PDE4D: variants seen among roughly 807,000 people sequenced by gnomAD.
PDE4D encodes phosphodiesterase 4D.
PDE4D carries 24 observed loss-of-function variants against 87.4 expected under a neutral mutation model. The observed-to-expected ratio is 0.27, with a 90% confidence interval of 0.20 to 0.39. The LOEUF (loss-of-function observed/expected upper bound fraction) is 0.39, where lower values mean the gene tolerates loss of function less well. PDE4D is among the 10% of genes least tolerant of loss of function. The pLI is 1.00. For synonymous variants in PDE4D, 384 were observed against 383.2 expected, an observed-to-expected ratio of 1.00 and a Z score of -0.02; for missense variants, 714 against 1,041.0, an observed-to-expected ratio of 0.69 and a Z score of 4.32.
intron 1 of PDE4D, among the ~76,000 whole-genome samples, chr5:60,375,637 A>C (rs1311809152): frequency 6.6e-6 from 1 of 152,214 alleles, no homozygotes; most frequent in African/African-American, 2.4e-5. Flanking sequence ...CCCTAGGCAC[A>C]GGGCTTATCA....
chr5:59,837,242 A>T (rs1742260358), intron 1 of PDE4D, among the ~76,000 whole-genome samples: 1 of 152,054 alleles, frequency 6.6e-6, no homozygotes, highest in Admixed American at 6.6e-5. Flanking sequence ...ACTATGTACC[A>T]GGCACCAAGC....
At chr5:59,007,731 T>A (rs10065334) in intron 6 of PDE4D, among the ~76,000 whole-genome samples, 1 of 151,958 alleles carries the variant, frequency 6.6e-6, no homozygotes, top group Non-Finnish European at 1.5e-5. Flanking sequence ...TCTTGTAAGT[T>A]TTATGGAGAT....
chr5:60,055,093 G>A (rs1582415109), intron 2 of PDE4D, among the ~76,000 whole-genome samples: 1 of 152,042 alleles, frequency 6.6e-6, no homozygotes, highest in African/African-American at 2.4e-5. Flanking sequence ...GTTCCAAGTT[G>A]CATATACATC....
intron 2 of PDE4D, among the ~76,000 whole-genome samples, chr5:60,020,258 T>C (rs1368344829): frequency 6.6e-6 from 1 of 152,134 alleles, no homozygotes; most frequent in Non-Finnish European, 1.5e-5. Context: ...ACAACAAAGA[T>C]CATTGGTCAC....
intron 3 of PDE4D, among the ~76,000 whole-genome samples, chr5:59,190,781 C>A (rs1439475659): frequency 6.6e-6 from 1 of 152,094 alleles, no homozygotes; most frequent in Admixed American, 6.5e-5. Flanking sequence ...TCTCTCTTAA[C>A]CCCTCCCCAC....
At position 58,970,063 on chromosome 5, in the gene PDE4D, GTCA is replaced by G. The variant is rs1421193747; in HGVS notation, c.*4598_*4600del. 1 of 152,060 alleles carries G rather than the reference GTCA, an allele frequency of 6.6e-6. No homozygotes were observed. Among genetic ancestry groups the G allele is most frequent in the Non-Finnish European group, 1.5e-5 (1 of 67,998 alleles). The allele number at this position is 152,060 out of a possible 1,614,324, so 9.4% of individuals were successfully genotyped here. A position where few individuals can be genotyped will look rare whatever the true frequency, so the allele number is the denominator to read the frequency against. On this transcript the variant is annotated 3_prime_UTR_variant, in exon 15 of 15. Transcript: ENST00000340635. ...TAATCTTTTATTTGTAAAAGATTGA[GTCA>G]TAAATAGGCAGAATCAACCCATGCT... is the stretch of plus-strand genomic sequence containing the variant.
intron 1 of PDE4D, among the ~76,000 whole-genome samples, chr5:59,391,850 A>C (rs1483833788): frequency 1.3e-5 from 2 of 151,594 alleles, no homozygotes; most frequent in Non-Finnish European, 2.9e-5. Context: ...CCACACACAC[A>C]TTCGTTAACC....
intron 1 of PDE4D, among the ~76,000 whole-genome samples, chr5:59,248,907 G>GA (rs1405669546): frequency 6.6e-6 from 1 of 151,766 alleles, no homozygotes; most frequent in East Asian, 1.9e-4. Flanking sequence ...CACAAATACG[G>GA]AAAATGTAGC....
In PDE4D at chr5:59,046,403, TGA is replaced by T. The variant is rs752886348; in HGVS notation, c.809-7434_809-7433del. Among the ~76,000 whole-genome samples, 215 of 143,574 alleles carry T rather than the reference TGA, an allele frequency of 1.5e-3. No homozygotes were observed. In the East Asian group the frequency reaches 0.021, roughly 14 times the overall value. The allele number at this position is 143,574 out of a possible 152,430, so 94.2% of individuals were successfully genotyped here. A position where few individuals can be genotyped will look rare whatever the true frequency, so the allele number is the denominator to read the frequency against. Reference sequence around the variant, plus strand: ...GCATGTATGTAAGGGCATGAAAGAGTGAGAGAGAGAGAGAGAATGTGTGTGTG... The same window carrying T: ...GCATGTATGTAAGGGCATGAAAGAGTGAGAGAGAGAGAGAATGTGTGTGTG... On this transcript the variant is annotated intron_variant, in intron 5 of 14. Transcript: ENST00000340635.
intron 1 of PDE4D, among the ~76,000 whole-genome samples, chr5:59,317,614 A>G (rs139128799): frequency 6.6e-6 from 1 of 152,158 alleles, no homozygotes; most frequent in Non-Finnish European, 1.5e-5. Context: ...TTCATAAACA[A>G]CTTAAAACAG....
chr5:59,347,415 C>T (rs1265896330), intron 1 of PDE4D, among the ~76,000 whole-genome samples: 1 of 152,130 alleles, frequency 6.6e-6, no homozygotes, highest in East Asian at 1.9e-4. Flanking sequence ...AAAGTTTCGT[C>T]CAGCTAGCTT....
chr5:59,677,626 T>A (rs372635213), intron 1 of PDE4D, among the ~76,000 whole-genome samples: 1 of 152,218 alleles, frequency 6.6e-6, no homozygotes, highest in Non-Finnish European at 1.5e-5. Flanking sequence ...CAGTTCTATA[T>A]GCCTGTAAAA....
At chr5:60,004,641 C>G (rs1764306318) in intron 2 of PDE4D, among the ~76,000 whole-genome samples, 1 of 151,996 alleles carries the variant, frequency 6.6e-6, no homozygotes, top group Admixed American at 6.6e-5. Context: ...TCCAATAACC[C>G]ATTTTAAAAA....
intron 1 of PDE4D, among the ~76,000 whole-genome samples, chr5:60,394,411 T>C (rs1762754068): frequency 2.6e-5 from 4 of 152,252 alleles, no homozygotes; most frequent in Admixed American, 2.0e-4. Context: ...TGCTCACAGT[T>C]ATTGTAAAGT....
intron 3 of PDE4D, among the ~76,000 whole-genome samples, chr5:59,934,978 T>C (rs1337018289): frequency 6.6e-6 from 1 of 152,098 alleles, no homozygotes; most frequent in East Asian, 1.9e-4. Flanking sequence ...CCACCGTAAA[T>C]ATAATCACTG....
intron 1 of PDE4D, among the ~76,000 whole-genome samples, chr5:60,202,344 T>A (rs574610929): frequency 2.6e-5 from 4 of 152,162 alleles, no homozygotes; most frequent in Admixed American, 6.5e-5. Flanking sequence ...TTTAAAAAAA[T>A]TTTGTAAAGA....
At chr5:59,668,364 C>T (rs1029119699) in intron 1 of PDE4D, among the ~76,000 whole-genome samples, 1 of 152,174 alleles carries the variant, frequency 6.6e-6, no homozygotes, top group Admixed American at 6.5e-5. Context: ...AGGCTTCCTC[C>T]TGGGATTCCA....
chr5:60,438,090 G>A (rs1207888075), intron 1 of PDE4D, among the ~76,000 whole-genome samples: 15 of 152,110 alleles, frequency 9.9e-5, no homozygotes. Context: ...ATTTTAAAAA[G>A]CCTTTAGATA....
At chr5:59,365,578 G>A (rs577521279) in intron 1 of PDE4D, among the ~76,000 whole-genome samples, 21 of 152,276 alleles carry the variant, frequency 1.4e-4, no homozygotes, top group African/African-American at 5.1e-4. Context: ...ACTGGCCTGG[G>A]GGAAATATTT....
Sources: gnomAD v4.1 joint callset for allele counts (sites outside exome capture counted in the v4.1 genomes callset) on GRCh38, gnomAD v4.1.1 for gene constraint, MANE v1.5 for transcripts, NCBI Gene and HGNC (gene_info 2026-07-23, HGNC 2026-07-21) for gene names.